The following SETD5 variants were observed in gnomAD, a reference collection of about 807,000 sequenced individuals.
SETD5 encodes the protein SET domain containing 5, also known as histone-lysine N-methyltransferase SETD5.
SETD5 carries 44 observed loss-of-function variants against 153.3 expected under a neutral mutation model. The observed-to-expected ratio is 0.29, with a 90% CI of 0.23 to 0.37. The LOEUF is 0.37. Among genes scored for constraint, SETD5 ranks in the 10% least tolerant of loss-of-function variants. The probability of loss-of-function intolerance (pLI) is 1.00; values close to 1 mark genes in which losing one functional copy is unlikely to be tolerated. For synonymous variants in SETD5, 716 were observed against 645.2 expected (o/e 1.11, Z -1.66); for missense variants, 1,544 against 1,768.0 (o/e 0.87, Z 2.27).
At chr3:9,468,425 T>C (rs982866606) in intron 18 of SETD5, 30 of 1,132,404 alleles carry the variant, frequency 2.6e-5, no homozygotes, top group East Asian at 2.5e-4. Context: ...AAAAAAGTTA[T>C]GGCTAACATC....
rs1434629472 is a variant in SETD5, at chr3:9,470,939, T to C, written c.3195+10T>C. 2.1e-5 allele frequency: 30 copies of C among 1,443,406 alleles called. No homozygotes were observed. Among genetic ancestry groups the C allele is most frequent in the Middle Eastern group, 2.0e-4 (1 of 4,960 alleles). The allele number at this position is 1,443,406 out of a possible 1,614,324, so 89.4% of individuals were successfully genotyped here. A position where few individuals can be genotyped will look rare whatever the true frequency, so the allele number is the denominator to read the frequency against. On this transcript the variant is annotated intron_variant, in intron 19 of 22. Coordinates refer to ENST00000402198, the MANE Select transcript of SETD5 (RefSeq NM_001080517.3). ...ACCACAGAGGAAAAAAGTAAGTGTTTCATGTTATATCGGCGAACTTTTCAA... is the reference window on the plus strand; with the variant it reads ...ACCACAGAGGAAAAAAGTAAGTGTTCCATGTTATATCGGCGAACTTTTCAA...
Position 9,447,677 on chromosome 3 carries a change from T to C in SETD5, c.1783-9T>C. The C allele has an allele frequency of 6.2e-7, 1 of 1,611,700 alleles. No individual in the cohort carries two copies. The highest frequency in any genetic ancestry group is 8.5e-7 in the Non-Finnish European group (1 of 1,178,212). ...TTCTGGTAAGCATCTGACCCTACTA[T>C]TGCTACAGGATATTGCTGCAGAAAA... On this transcript the variant is annotated splice_polypyrimidine_tract_variant and intron_variant, in intron 14 of 22. Coordinates refer to ENST00000402198, the MANE Select transcript of SETD5 (RefSeq NM_001080517.3).
At chr3:9,474,419 G>C in intron 20 of SETD5, 30 bp from the exon 21 acceptor site, 1 of 1,610,756 alleles carries the variant, frequency 6.2e-7, no homozygotes, top group Non-Finnish European at 8.5e-7. Context: ...AAGTCCTGTG[G>C]CTTGAACTTG....
At chr3:9,466,170 C>G (rs111482530) in intron 18 of SETD5, among the ~76,000 whole-genome samples, 49 of 151,802 alleles carry the variant, frequency 3.2e-4, no homozygotes, top group African/African-American at 1.2e-3. Flanking sequence ...CGCCTGTAGT[C>G]CCAGCTACTC....
At chr3:9,401,678 A>G (rs770734694) in intron 1 of SETD5, among the ~76,000 whole-genome samples, 89 of 152,352 alleles carry the variant, frequency 5.8e-4, no homozygotes, top group Non-Finnish European at 9.1e-4. Flanking sequence ...ACAGCAGTCA[A>G]TGACTATTGG....
At chr3:9,436,899 A>C (rs1215463068) in intron 7 of SETD5, 19 of 1,549,308 alleles carry the variant, frequency 1.2e-5, no homozygotes, top group Non-Finnish European at 1.7e-5. Flanking sequence ...GTAAGGGGTA[A>C]TCTTCGCTGA....
At chr3:9,398,067 C>T (rs1225910279) in intron 1 of SETD5, 90 bp downstream of exon 1, 1 of 152,284 alleles carries the variant, frequency 6.6e-6, no homozygotes, top group Non-Finnish European at 1.5e-5. Flanking sequence ...CGCTCGCTCT[C>T]CTTGGGTCGT....
intron 16 of SETD5, 26 bp downstream of exon 16, chr3:9,448,656 T>C: frequency 6.6e-7 from 1 of 1,517,178 alleles, no homozygotes; most frequent in Middle Eastern, 1.8e-4. Context: ...TGTGTGTGTG[T>C]TGTGTTTATG....
chr3:9,475,957 G>T lies in SETD5; in HGVS notation c.4195G>T (p.Val1399Phe). 1 of 1,614,006 alleles carries T rather than the reference G, an allele frequency of 6.2e-7. No individual in the cohort carries two copies. The highest frequency in any genetic ancestry group is 8.5e-7 in the Non-Finnish European group (1 of 1,179,894). ...ISLPSAGQSA[V>F]YQASRVSAVS... ...TCTGCCCAGTGCTGGGCAGTCAGCT[G>T]TCTACCAGGCCTCCAGGGTATCTGC... Residue 1399 changes from valine (V) to phenylalanine (F), a missense_variant, in exon 23 of 23, where the codon GTC becomes TTC. Val to Phe is a conservative substitution (Grantham distance 50, BLOSUM62 -1). Coordinates refer to ENST00000402198, the MANE Select transcript of SETD5 (RefSeq NM_001080517.3).
intron 9 of SETD5, 75 bp downstream of exon 9, chr3:9,441,816 G>A: frequency 6.3e-7 from 1 of 1,576,900 alleles, no homozygotes. Flanking sequence ...AAATCATTCT[G>A]TTTGATAAGA....
chr3:9,471,575 G>T (rs2045308485), intron 19 of SETD5, among the ~76,000 whole-genome samples: 2 of 152,234 alleles, frequency 1.3e-5, no homozygotes, highest in East Asian at 1.9e-4. Context: ...CAGGTGGAAG[G>T]CCGGGGGAGC....
rs1171308921 is a variant in SETD5 at position 9,470,506 on chromosome 3, C to A, written c.2772C>A (p.Asp924Glu). ...ATTTGGCAAAAGTAGGATACCTTGA[C>A]TCCAACACTAACAGCTGTGCTGATA... The part of the protein sequence containing the change: ...DLDLAKVGYL[D>E]SNTNSCADRP... Residue 924 changes from aspartate to glutamate, a missense_variant, in exon 19 of 23, where the codon GAC becomes GAA. Around this residue, in one of 9 missense-constraint regions of SETD5, gnomAD observed 782 missense variants for 787.2 expected, o/e 0.99. Transcript: ENST00000402198. 9 of 1,613,756 alleles carry A rather than the reference C, an allele frequency of 5.6e-6. No homozygotes were observed. Among genetic ancestry groups the A allele is most frequent in the Non-Finnish European group, 7.6e-6 (9 of 1,179,860 alleles).
At chr3:9,417,591 T>C (rs1019392508) in intron 1 of SETD5, among the ~76,000 whole-genome samples, 1 of 151,426 alleles carries the variant, frequency 6.6e-6, no homozygotes, top group Non-Finnish European at 1.5e-5. Context: ...GTTCACGCCA[T>C]TCTCCTGCCT....
chr3:9,467,209 A>C (rs2044700405), intron 18 of SETD5, among the ~76,000 whole-genome samples: 1 of 148,704 alleles, frequency 6.7e-6, no homozygotes, highest in East Asian at 1.9e-4. Context: ...CAAAAAAAAA[A>C]AAAAAAAAAA....
At chr3:9,473,885 T>C (rs1256494154) in intron 20 of SETD5, among the ~76,000 whole-genome samples, 1 of 152,184 alleles carries the variant, frequency 6.6e-6, no homozygotes, top group Non-Finnish European at 1.5e-5. Flanking sequence ...CCACATGAAT[T>C]AACAACAGAT....
intron 17 of SETD5, among the ~76,000 whole-genome samples, chr3:9,462,541 C>T (rs1232211837): frequency 2.0e-5 from 3 of 147,122 alleles, no homozygotes; most frequent in Non-Finnish European, 3.0e-5. Context: ...GAGCCGAGAT[C>T]GTGCCGCTGC....
At chr3:9,465,440 G>A (rs189227004) in intron 18 of SETD5, among the ~76,000 whole-genome samples, 2 of 152,272 alleles carry the variant, frequency 1.3e-5, no homozygotes, top group Admixed American at 1.3e-4. Flanking sequence ...ACTTTGATTT[G>A]TAATTAAAAT....
At position 9,434,818 on chromosome 3, in the gene SETD5, C is replaced by G; in HGVS notation, c.330-6C>G. ...GGACTACTTTAAGTTTATTTTCCCTCTTTAGGGGAATGAGCAGGGGGAAGG... is the reference window on the plus strand; with the variant it reads ...GGACTACTTTAAGTTTATTTTCCCTGTTTAGGGGAATGAGCAGGGGGAAGG... On this transcript the variant is annotated splice_polypyrimidine_tract_variant and splice_region_variant and intron_variant, in intron 5 of 22. Coordinates refer to ENST00000402198, the MANE Select transcript of SETD5 (RefSeq NM_001080517.3). The surrounding 1 kb of genome is among the most constrained non-coding windows in gnomAD (Gnocchi z 5.6). 2 of 1,612,120 alleles carry G rather than the reference C, an allele frequency of 1.2e-6. No homozygotes were observed. Among genetic ancestry groups the G allele is most frequent in the Non-Finnish European group, 1.7e-6 (2 of 1,179,238 alleles).
chr3:9,431,760 A>G, intron 3 of SETD5: 1 of 974,978 alleles, frequency 1.0e-6, no homozygotes. Flanking sequence ...GATGGGTAAG[A>G]TACAACCAGC....
Sources: gnomAD v4.1 joint callset for allele counts (sites outside exome capture counted in the v4.1 genomes callset) on GRCh38, gnomAD v4.1.1 for gene constraint, gnomAD v4.1.1 regional missense constraint, Gnocchi (gnomAD v3.1) non-coding constraint, MANE v1.5 for transcripts, NCBI Gene and HGNC (gene_info 2026-07-23, HGNC 2026-07-21) for gene names.